ADAMTS9: variants seen among roughly 807,000 people sequenced by gnomAD.
ADAMTS9 encodes the protein ADAM metallopeptidase with thrombospondin type 1 motif 9.
ADAMTS9 carries 107 observed loss-of-function variants against 257.1 expected under a neutral mutation model. The ratio of observed to expected loss-of-function variants is 0.42; its 90% CI spans 0.36 to 0.49. The LOEUF (loss-of-function observed/expected upper bound fraction) is 0.49, where lower values mean the gene tolerates loss of function less well. Among genes scored for constraint, ADAMTS9 ranks in the 20% least tolerant of loss-of-function variants. The probability of loss-of-function intolerance (pLI) is 0.03; values close to 1 mark genes in which losing one functional copy is unlikely to be tolerated. For synonymous variants in ADAMTS9, 982 were observed against 880.9 expected (o/e 1.11, Z -2.03); for missense variants, 2,353 against 2,469.1 (o/e 0.95, Z 1.00).
In ADAMTS9 at chr3:64,550,957, C is replaced by T; in HGVS notation, c.4804G>A (p.Val1602Met). ...GARCDVSKRPVDRESCSLQPC... is the reference protein window; with the variant it reads ...GARCDVSKRPMDRESCSLQPC... Reference sequence around the variant, plus strand: ...TGCAAACTACAGCTTTCACGGTCCACCGGCCGCTTGCTCACGTCACAGCGT... The same window carrying T: ...TGCAAACTACAGCTTTCACGGTCCATCGGCCGCTTGCTCACGTCACAGCGT... Residue 1602 changes from valine (V) to methionine (M), a missense_variant, in exon 31 of 40, where the codon GTG (valine) becomes ATG (methionine). Around this residue, in one of 3 missense-constraint regions of ADAMTS9, gnomAD observed 1,402 missense variants for 1,441.4 expected, o/e 0.97. Transcript: ENST00000498707. The T allele has an allele frequency of 6.2e-7, 1 of 1,614,196 alleles. No individual in the cohort carries two copies. The highest frequency in any genetic ancestry group is 8.5e-7 in the Non-Finnish European group (1 of 1,180,022).
At chr3:64,634,514 C>T (rs1287239023) in intron 12 of ADAMTS9, among the ~76,000 whole-genome samples, 1 of 152,230 alleles carries the variant, frequency 6.6e-6, no homozygotes, top group East Asian at 1.9e-4. Context: ...GTTTCATTAG[C>T]TTTTGTGTGA....
intron 33 of ADAMTS9, 27 bp from the exon 34 acceptor site, chr3:64,541,647 G>T: frequency 6.3e-7 from 1 of 1,589,782 alleles, no homozygotes. Context: ...ACAAAAAATA[G>T]GGTGTGATGA....
intron 27 of ADAMTS9, 73 bp from the exon 28 acceptor site, chr3:64,594,507 T>C: frequency 6.4e-7 from 1 of 1,561,126 alleles, no homozygotes; most frequent in Non-Finnish European, 8.7e-7. Flanking sequence ...TCTCCCTAAT[T>C]TCTTAGCCAA....
At position 64,516,332 on chromosome 3, in the gene ADAMTS9, G is replaced by A. The variant is rs2082774482; in HGVS notation, c.*795C>T. On this transcript the variant is annotated 3_prime_UTR_variant, in exon 40 of 40. Transcript: ENST00000498707. ...TTGTGGAGAGACCAAGGCACCGTGG[G>A]CTGAAGCAACGAATATTAACAACAC... 4 of 152,512 alleles carry A rather than the reference G, an allele frequency of 2.6e-5. No homozygotes were observed. 9.4% of individuals were successfully genotyped at this position (152,512 alleles called of 1,614,324 possible).
chr3:64,597,982 T>TCGTA (rs1396540260), intron 26 of ADAMTS9, among the ~76,000 whole-genome samples: 1 of 152,216 alleles, frequency 6.6e-6, no homozygotes, highest in East Asian at 1.9e-4. Flanking sequence ...TTCTAGCTAA[T>TCGTA]CGTAGCTCAT....
chr3:64,600,621 C>T (rs1274950284), intron 26 of ADAMTS9, among the ~76,000 whole-genome samples: 4 of 152,194 alleles, frequency 2.6e-5, no homozygotes, highest in Admixed American at 1.3e-4. Context: ...ATGAGACACT[C>T]GGTGATTACT....
intron 27 of ADAMTS9, among the ~76,000 whole-genome samples, chr3:64,596,488 A>G (rs764288360): frequency 2.0e-5 from 3 of 151,380 alleles, no homozygotes; most frequent in South Asian, 4.1e-4. Flanking sequence ...CCCCAAAACT[A>G]TGAAGAAGAG....
intron 10 of ADAMTS9, among the ~76,000 whole-genome samples, chr3:64,649,034 C>A (rs1203622463): frequency 2.0e-5 from 3 of 152,136 alleles, no homozygotes; most frequent in Non-Finnish European, 4.4e-5. Context: ...TGGGCCACCC[C>A]ATAGAAACAC....
chr3:64,652,338 C>T (rs546061174), intron 8 of ADAMTS9, among the ~76,000 whole-genome samples: 1 of 152,284 alleles, frequency 6.6e-6, no homozygotes, highest in South Asian at 2.1e-4. Flanking sequence ...CAGAAAAACT[C>T]GATCTTAGTT....
At chr3:64,616,263 T>G (rs2106846579) in intron 19 of ADAMTS9, 93 bp from the exon 20 acceptor site, 3 of 1,354,928 alleles carry the variant, frequency 2.2e-6, no homozygotes, top group African/African-American at 2.9e-5. Flanking sequence ...GTTGAGTTCT[T>G]TTTTCTTTCT....
rs570460127 is a variant in ADAMTS9, at chr3:64,685,592, G to C, written c.516+976C>G. Among the ~76,000 whole-genome samples, 10 of 152,310 alleles carry C rather than the reference G, an allele frequency of 6.6e-5. No individual in the cohort carries two copies. The South Asian group carries it at 1.7e-3, about 25-fold the overall frequency. ...GACTCCTCAAATGTCGTGGAGAAGT[G>C]GGGGGCAGATGCCTTGTAAGATCCA... On this transcript the variant is annotated intron_variant, in intron 2 of 39. Coordinates refer to ENST00000498707, the MANE Select transcript of ADAMTS9 (RefSeq NM_182920.2).
chr3:64,598,129 A>G (rs2084396705), intron 26 of ADAMTS9, among the ~76,000 whole-genome samples: 1 of 152,186 alleles, frequency 6.6e-6, no homozygotes, highest in South Asian at 2.1e-4. Flanking sequence ...TGGTCAAATT[A>G]TAAGTGTTTT....
At chr3:64,627,361 C>G (rs749462516) in intron 16 of ADAMTS9, among the ~76,000 whole-genome samples, 3 of 150,286 alleles carry the variant, frequency 2.0e-5, no homozygotes, top group South Asian at 4.3e-4. Context: ...GGTTTGGCCC[C>G]AGACATCCTT....
chr3:64,681,157 C>G, intron 3 of ADAMTS9, 44 bp downstream of exon 3: 1 of 1,580,450 alleles, frequency 6.3e-7, no homozygotes, highest in South Asian at 1.2e-5. Context: ...GCAATTTACC[C>G]ATCTCAAAGA....
chr3:64,621,205 A>G lies in ADAMTS9; in HGVS notation c.2722T>C (p.Ser908Pro). The G allele has an allele frequency of 5.0e-6, 8 of 1,613,848 alleles. No homozygotes were observed. Among genetic ancestry groups the G allele is most frequent in the Non-Finnish European group, 5.9e-6 (7 of 1,179,904 alleles). Reference sequence around the variant, plus strand: ...TGATCAGAAACAGTAAGCTGATCAGATTCCCTGGTGCAAACAAGTTTTCGT... The same window carrying G: ...TGATCAGAAACAGTAAGCTGATCAGGTTCCCTGGTGCAAACAAGTTTTCGT... ...RKRKLVCTRE[S>P]DQLTVSDQRC... Residue 908 changes from serine (S) to proline (P), a missense_variant, in exon 19 of 40, where the codon TCT becomes CCT. Physicochemically the swap from Ser to Pro is moderately conservative, Grantham distance 74 (BLOSUM62 -1). Transcript: ENST00000498707.
chr3:64,550,655 C>A, intron 31 of ADAMTS9: 1 of 504,862 alleles, frequency 2.0e-6, no homozygotes, highest in East Asian at 3.2e-5. Context: ...CAAGGTGAAT[C>A]ACAGAATGTA....
intron 30 of ADAMTS9, among the ~76,000 whole-genome samples, chr3:64,556,754 C>CTTCCTTCCTTCT (rs1173786572): frequency 6.7e-6 from 1 of 149,566 alleles, no homozygotes; most frequent in Non-Finnish European, 1.5e-5. Context: ...TCCTTCCTTC[C>CTTCCTTCCTTCT]TCCCTCCCTT....
At chr3:64,652,339 G>C (rs1331026189) in intron 8 of ADAMTS9, among the ~76,000 whole-genome samples, 1 of 152,112 alleles carries the variant, frequency 6.6e-6, no homozygotes, top group Non-Finnish European at 1.5e-5. Flanking sequence ...AGAAAAACTC[G>C]ATCTTAGTTG....
rs1402497692 is a variant in ADAMTS9 at position 64,521,643 on chromosome 3, T to A, written c.*5+523A>T. Reference sequence around the variant, plus strand: ...AATGAAATCATGTCCTTTGCAGCAATATGGATGCAGCTGGAGGCAATTTTC... The same window carrying A: ...AATGAAATCATGTCCTTTGCAGCAAAATGGATGCAGCTGGAGGCAATTTTC... On this transcript the variant is annotated intron_variant, in intron 39 of 39. Transcript: ENST00000498707. The A allele has an allele frequency of 2.0e-5, 3 of 152,410 alleles. No homozygotes were observed. In the East Asian group the frequency reaches 5.8e-4, roughly 29 times the overall value. 9.4% of individuals were successfully genotyped at this position (152,410 alleles called of 1,614,324 possible). A position where few individuals can be genotyped will look rare whatever the true frequency, so the allele number is the denominator to read the frequency against.
Sources: allele counts gnomAD v4.1 joint callset (sites outside exome capture counted in the v4.1 genomes callset), GRCh38; gene constraint gnomAD v4.1.1; regional missense constraint gnomAD v4.1.1; transcripts MANE v1.5; gene names NCBI Gene and HGNC (gene_info 2026-07-23, HGNC 2026-07-21).